Variants in PLAAT3 observed in about 807,000 individuals in gnomAD.
PLAAT3 encodes Ca-independent phospholipase A1/2.
In PLAAT3, 21 loss-of-function variants were observed where a neutral mutation model predicts 16.7. The ratio of observed to expected loss-of-function variants is 1.26; its 90% confidence interval spans 0.89 to 1.81. The LOEUF is 1.81. Ranked by LOEUF, PLAAT3 falls within the 40% of genes most tolerant of loss-of-function variation. The pLI is 0.00. For missense variants in PLAAT3, 219 were observed against 213.7 expected, an observed-to-expected ratio of 1.02 and a Z score of -0.16; for synonymous variants, 76 against 81.7, an observed-to-expected ratio of 0.93 and a Z score of 0.38.
At chr11:63,615,276 GTGTATATA>G (rs1455223686), upstream of PLAAT3, among the ~76,000 whole-genome samples, 1,497 of 69,296 alleles carry the variant, frequency 0.022, 337 homozygotes, top group East Asian at 0.09. Flanking sequence ...GTGTATATAT[GTGTATATA>G]TGTGTATATA....
chr11:63,585,166 C>T (rs558357367), intron 4 of PLAAT3, among the ~76,000 whole-genome samples: 5 of 151,810 alleles, frequency 3.3e-5, no homozygotes, highest in African/African-American at 4.8e-5. Context: ...CCGGGACTAC[C>T]GGTGCACACC....
Position 63,604,124 on chromosome 11 carries a change from C to G in PLAAT3, c.16-5961G>C, listed in dbSNP as rs193024805. Among the ~76,000 whole-genome samples, 597 of 152,100 alleles carry G rather than the reference C, an allele frequency of 3.9e-3. 4 individuals carry two copies. Among genetic ancestry groups the G allele is most frequent in the African/African-American group, 0.014 (568 of 41,502 alleles). On this transcript the variant is annotated intron_variant, in intron 2 of 4. Coordinates refer to ENST00000415826, the MANE Select transcript of PLAAT3 (RefSeq NM_001128203.2). ...CTGAGATCACGCCACTGCACTCCAG[C>G]CTTTTTCAATAATATATATACATAT...
chr11:63,592,470 C>A (rs1938177442), intron 3 of PLAAT3, among the ~76,000 whole-genome samples: 1 of 152,188 alleles, frequency 6.6e-6, no homozygotes, highest in Non-Finnish European at 1.5e-5. Flanking sequence ...GCCACCACAC[C>A]TGGCCTAAAG....
chr11:63,588,706 A>G lies in PLAAT3; in HGVS notation c.387+1394T>C, dbSNP rs1049238394. On this transcript the variant is annotated intron_variant, in intron 4 of 4. Coordinates refer to ENST00000415826, the MANE Select transcript of PLAAT3 (RefSeq NM_001128203.2). ...TCAATTTCTAAGTTGATCACCTTTA[A>G]CATTCATATATAAATAGTTGTTGAA... is the stretch of plus-strand genomic sequence containing the variant. Among the ~76,000 whole-genome samples, 17 of 152,290 alleles carry G rather than the reference A, an allele frequency of 1.1e-4. 1 individual carries two copies. The highest frequency in any genetic ancestry group is 3.6e-4 in the African/African-American group (15 of 41,538).
intron 4 of PLAAT3, among the ~76,000 whole-genome samples, chr11:63,579,249 A>C (rs1937718489): frequency 6.6e-6 from 1 of 152,240 alleles, no homozygotes; most frequent in Non-Finnish European, 1.5e-5. Flanking sequence ...ATATGGAGAA[A>C]TAGGAACACT....
At chr11:63,588,779 CA>C in intron 4 of PLAAT3, among the ~76,000 whole-genome samples, 1 of 152,064 alleles carries the variant, frequency 6.6e-6, no homozygotes, top group East Asian at 1.9e-4. Flanking sequence ...GATACCCATT[CA>C]AAGGTAACTA....
At chr11:63,610,987 TACA>T (rs928241916) in intron 2 of PLAAT3, among the ~76,000 whole-genome samples, 5 of 152,158 alleles carry the variant, frequency 3.3e-5, no homozygotes, top group Admixed American at 1.3e-4. Flanking sequence ...TGGGGGCGGC[TACA>T]ACAACTAACA....
chr11:63,589,012 T>A (rs964379392), intron 4 of PLAAT3, among the ~76,000 whole-genome samples: 25 of 145,246 alleles, frequency 1.7e-4, no homozygotes, highest in African/African-American at 3.5e-4. Flanking sequence ...GAGGATAATT[T>A]AAAAAAAAAA....
chr11:63,574,853 C>G lies in PLAAT3; in HGVS notation c.*92G>C, dbSNP rs2017637470. On this transcript the variant is annotated 3_prime_UTR_variant, in exon 5 of 5. Transcript: ENST00000415826. The stretch of plus-strand genomic sequence containing the variant: ...TGAAAATAAGCCTTATTATAAATCA[C>G]AATGAAATCCACAAACCAAACCCCA... 2 of 758,994 alleles carry G rather than the reference C, an allele frequency of 2.6e-6. No homozygotes were observed. The highest frequency in any genetic ancestry group is 2.1e-5 in the Admixed American group (1 of 48,064). The allele number at this position is 758,994 out of a possible 1,614,324, so 47.0% of individuals were successfully genotyped here.
In PLAAT3 at chr11:63,595,056, C is replaced by T. The variant is rs560578383; in HGVS notation, c.118+3005G>A. 1.2e-3 allele frequency among the ~76,000 whole-genome samples: 178 copies of T among 152,054 alleles called. 1 individual carries two copies. Among genetic ancestry groups the T allele is most frequent in the Non-Finnish European group, 1.8e-3 (123 of 67,968 alleles). On this transcript the variant is annotated intron_variant, in intron 3 of 4. Coordinates refer to ENST00000415826, the MANE Select transcript of PLAAT3 (RefSeq NM_001128203.2). Reference sequence around the variant, plus strand: ...CTGTAATCTCAGCACTTTGGGAGGCCGAGGCAGGCAGATCACTTGAGGTCA... The same window carrying T: ...CTGTAATCTCAGCACTTTGGGAGGCTGAGGCAGGCAGATCACTTGAGGTCA...
chr11:63,605,360 T>C (rs889365685), intron 2 of PLAAT3, among the ~76,000 whole-genome samples: 1 of 152,008 alleles, frequency 6.6e-6, no homozygotes, highest in Non-Finnish European at 1.5e-5. Context: ...ATCACGCCAT[T>C]GTACTCCAGC....
At chr11:63,608,075 G>A (rs1016428660) in intron 2 of PLAAT3, among the ~76,000 whole-genome samples, 12 of 152,200 alleles carry the variant, frequency 7.9e-5, no homozygotes, top group African/African-American at 1.2e-4. Context: ...CCAGCTACTC[G>A]GGAGGCTGAG....
chr11:63,597,137 A>G (rs1474793806), intron 3 of PLAAT3, among the ~76,000 whole-genome samples: 9 of 151,386 alleles, frequency 5.9e-5, no homozygotes, highest in Non-Finnish European at 1.3e-4. Context: ...TCCTGCCACC[A>G]TATAAGACCT....
chr11:63,615,827 C>T (rs1259898991), upstream of PLAAT3, among the ~76,000 whole-genome samples: 1 of 151,126 alleles, frequency 6.6e-6, no homozygotes, highest in Non-Finnish European at 1.5e-5. Flanking sequence ...ACCACCGCGC[C>T]CAGCTAATTT....
chr11:63,576,097 G>A (rs985362584), intron 4 of PLAAT3, among the ~76,000 whole-genome samples: 2 of 152,082 alleles, frequency 1.3e-5, no homozygotes, highest in Non-Finnish European at 2.9e-5. Context: ...AGAACTTTAC[G>A]CTCCACACAA....
At chr11:63,606,404 A>C (rs528336935) in intron 2 of PLAAT3, among the ~76,000 whole-genome samples, 1 of 150,036 alleles carries the variant, frequency 6.7e-6, no homozygotes, top group East Asian at 2.0e-4. Flanking sequence ...CCAACATGGC[A>C]AAACCCCGTC....
chr11:63,600,559 C>T (rs1938397888), intron 2 of PLAAT3, among the ~76,000 whole-genome samples: 1 of 150,954 alleles, frequency 6.6e-6, no homozygotes, highest in South Asian at 2.1e-4. Context: ...TTTCTATACT[C>T]TTCTACATCT....
chr11:63,588,298 G>A (rs988000193), intron 4 of PLAAT3, among the ~76,000 whole-genome samples: 1 of 152,096 alleles, frequency 6.6e-6, no homozygotes, highest in African/African-American at 2.4e-5. Context: ...TCAAACTCCT[G>A]ACCGCAAGTG....
intron 2 of PLAAT3, among the ~76,000 whole-genome samples, chr11:63,611,872 C>T (rs1409982546): frequency 6.6e-6 from 1 of 152,254 alleles, no homozygotes; most frequent in African/African-American, 2.4e-5. Context: ...GGCGCGGTGG[C>T]TCACGCCTGT....
Sources: gnomAD v4.1 joint callset for allele counts (sites outside exome capture counted in the v4.1 genomes callset) on GRCh38, gnomAD v4.1.1 for gene constraint, MANE v1.5 for transcripts, NCBI Gene and HGNC (gene_info 2026-07-23, HGNC 2026-07-21) for gene names.